USP34: variants seen among roughly 807,000 people sequenced by gnomAD.
The protein encoded by USP34 is ubiquitin specific peptidase 34.
Under a neutral mutation model 460.3 loss-of-function variants are expected in USP34, and 70 were observed. The observed-to-expected ratio is 0.15, with a 90% CI of 0.13 to 0.19. The LOEUF (loss-of-function observed/expected upper bound fraction) is 0.19. USP34 is among the 10% of genes least tolerant of loss of function. The pLI, the probability that USP34 is intolerant of heterozygous loss-of-function variation, is 1.00. For synonymous variants in USP34, 1,647 were observed against 1,405.3 expected (o/e 1.17, Z -3.85); for missense variants, 3,985 against 4,236.2 (o/e 0.94, Z 1.65).
intron 76 of USP34, chr2:61,191,091 A>T (rs1381015316): frequency 6.4e-6 from 1 of 156,182 alleles, no homozygotes; most frequent in African/African-American, 2.4e-5. Flanking sequence ...AATTCTCCAA[A>T]ATGTTTTAAA....
At chr2:61,442,290 G>A (rs1694987516) in intron 1 of USP34, among the ~76,000 whole-genome samples, 1 of 150,940 alleles carries the variant, frequency 6.6e-6, no homozygotes, top group Admixed American at 6.6e-5. Context: ...TATAGCAAAG[G>A]CAAAAATCAA....
chr2:61,266,434 T>C (rs375281134), intron 41 of USP34, among the ~76,000 whole-genome samples: 32 of 152,344 alleles, frequency 2.1e-4, no homozygotes, highest in South Asian at 6.2e-4. Flanking sequence ...TTCTATTCCA[T>C]TAAGTGATGT....
chr2:61,393,190 G>C (rs1380599147), intron 5 of USP34, among the ~76,000 whole-genome samples: 1 of 152,148 alleles, frequency 6.6e-6, no homozygotes, highest in Non-Finnish European at 1.5e-5. Flanking sequence ...CAGCACTTTA[G>C]GAGGCTGAGG....
chr2:61,188,072 G>C lies in USP34; in HGVS notation c.*30C>G. On this transcript the variant is annotated 3_prime_UTR_variant, in exon 80 of 80. Coordinates refer to ENST00000398571, the MANE Select transcript of USP34 (RefSeq NM_014709.4). ...AACAGCATGGGGGTTGGGGGTGAGG[G>C]ACTTAAAAGTAGACATGCTACACCT... 6.3e-7 allele frequency: 1 copy of C among 1,586,830 alleles called. No individual in the cohort carries two copies. The highest frequency in any genetic ancestry group is 1.4e-5 in the African/African-American group (1 of 74,072).
chr2:61,433,128 C>T (rs974398605), intron 1 of USP34, among the ~76,000 whole-genome samples: 2 of 152,182 alleles, frequency 1.3e-5, no homozygotes, highest in African/African-American at 4.8e-5. Flanking sequence ...GTCAGAGAGA[C>T]CATCTGAGTG....
At chr2:61,336,119 T>TTGTG (rs745658418) in intron 18 of USP34, among the ~76,000 whole-genome samples, 8 of 150,096 alleles carry the variant, frequency 5.3e-5, no homozygotes, top group Non-Finnish European at 7.4e-5. Context: ...GCAAAACAAA[T>TTGTG]TGTGTGTGTG....
At chr2:61,400,721 T>C (rs1053867033) in intron 3 of USP34, among the ~76,000 whole-genome samples, 4 of 152,042 alleles carry the variant, frequency 2.6e-5, no homozygotes, top group African/African-American at 7.2e-5. Context: ...CATGGTGGCA[T>C]GCACCTGTAC....
In USP34 at chr2:61,347,914, T is replaced by C. The variant is rs1403856591; in HGVS notation, c.2241A>G (p.Pro747=). The part of the protein sequence containing the change: ...ELFNCRQFIG[P]QHHHHHHHHH... The stretch of plus-strand genomic sequence containing the variant: ...GGTGGTGGTGGTGGTGGTGATGCTG[T>C]GGACCAATAAATTGTCGACAATTAA... The change falls in exon 15 of 80, where the codon CCA becomes CCG. Residue 747 remains proline (P), a synonymous_variant. Transcript: ENST00000398571. The C allele has an allele frequency of 6.2e-7, 1 of 1,613,982 alleles. No homozygotes were observed.
intron 44 of USP34, among the ~76,000 whole-genome samples, chr2:61,258,507 T>C (rs1279829101): frequency 1.3e-5 from 2 of 152,040 alleles, no homozygotes; most frequent in Admixed American, 6.6e-5. Context: ...AGCTGACTCT[T>C]GAAAAATGAA....
chr2:61,379,543 A>C (rs1692910934), intron 7 of USP34, among the ~76,000 whole-genome samples: 1 of 152,166 alleles, frequency 6.6e-6, no homozygotes, highest in African/African-American at 2.4e-5. Context: ...AACAAAACAA[A>C]AACCCAGAAA....
intron 41 of USP34, among the ~76,000 whole-genome samples, chr2:61,273,647 G>A (rs1029351854): frequency 3.3e-5 from 5 of 151,956 alleles, no homozygotes; most frequent in Non-Finnish European, 5.9e-5. Flanking sequence ...GAACCTGGAG[G>A]GCAGAGGTTA....
At chr2:61,366,248 T>C (rs2442028) in intron 10 of USP34, among the ~76,000 whole-genome samples, 4,008 of 152,166 alleles carry the variant, frequency 0.026, 74 homozygotes, top group Non-Finnish European at 0.039. Flanking sequence ...TAAAATGTAA[T>C]AGGTAAAGAA....
chr2:61,228,553 T>A, intron 61 of USP34, 92 bp downstream of exon 61: 1 of 1,158,736 alleles, frequency 8.6e-7, no homozygotes, highest in Non-Finnish European at 1.2e-6. Context: ...CAGAAGGGAC[T>A]TTAAAGGGTT....
Position 61,317,694 on chromosome 2 carries a change from C to T in USP34, c.3242G>A (p.Arg1081Gln), listed in dbSNP as rs752907033. 2.5e-6 allele frequency: 4 copies of T among 1,614,042 alleles called. No individual in the cohort carries two copies. Among genetic ancestry groups the T allele is most frequent in the African/African-American group, 1.3e-5 (1 of 75,012 alleles). The change falls in exon 23 of 80, where the codon CGA (arginine) becomes CAA (glutamine). Residue 1081 changes from arginine (R) to glutamine (Q), a missense_variant. Transcript: ENST00000398571. ...NLFQHLCNLARLATSAYDGCS... is the reference protein window; with the variant it reads ...NLFQHLCNLAQLATSAYDGCS... ...ACCATCATAGGCACTGGTAGCCAAT[C>T]GAGCCAAGTTACAGAGATGCTGAAA...
At chr2:61,252,583 AAC>A (rs1406208106) in intron 48 of USP34, among the ~76,000 whole-genome samples, 1 of 152,266 alleles carries the variant, frequency 6.6e-6, no homozygotes, top group East Asian at 1.9e-4. Flanking sequence ...TTAAACCAAG[AAC>A]ACAGTCAAAA....
intron 71 of USP34, among the ~76,000 whole-genome samples, chr2:61,206,532 C>T (rs1201340607): frequency 2.0e-5 from 3 of 152,186 alleles, no homozygotes; most frequent in Non-Finnish European, 2.9e-5. Flanking sequence ...TCTCTGAAAT[C>T]TTGATACCTG....
intron 57 of USP34, among the ~76,000 whole-genome samples, chr2:61,235,060 C>T (rs1688025941): frequency 6.6e-6 from 1 of 152,140 alleles, no homozygotes; most frequent in Non-Finnish European, 1.5e-5. Flanking sequence ...GCACAGTTTA[C>T]TTGAGATTTG....
intron 2 of USP34, among the ~76,000 whole-genome samples, chr2:61,419,286 G>A (rs1347704443): frequency 2.0e-5 from 3 of 151,546 alleles, no homozygotes; most frequent in African/African-American, 7.3e-5. Context: ...TCTCAAAAGT[G>A]AGAGGCATGA....
intron 49 of USP34, 149 bp downstream of exon 49, chr2:61,248,362 T>C (rs1041461745): frequency 4.3e-6 from 3 of 704,304 alleles, no homozygotes; most frequent in Non-Finnish European, 6.7e-6. Context: ...ACTGGTTAAC[T>C]GACTGAATGC....
Sources: gnomAD v4.1 joint callset for allele counts (sites outside exome capture counted in the v4.1 genomes callset) on GRCh38, gnomAD v4.1.1 for gene constraint, MANE v1.5 for transcripts, NCBI Gene and HGNC (gene_info 2026-07-23, HGNC 2026-07-21) for gene names.